The following MINDY4B variants were observed in gnomAD, a reference collection of about 807,000 sequenced individuals.
MINDY4B encodes MINDY family member 4B, also known as inactive ubiquitin carboxyl-terminal hydrolase MINDY-4B.
MINDY4B carries 25 observed loss-of-function variants against 16.7 expected under a neutral mutation model. That is an observed-to-expected ratio of 1.49 (90% CI 1.09 to 2.09). The LOEUF is 2.09. MINDY4B is among the 30% of genes most tolerant of loss of function. The pLI is 0.00. For synonymous variants in MINDY4B, 132 were observed against 61.9 expected, an observed-to-expected ratio of 2.13 and a Z score of -5.32; for missense variants, 327 against 168.4, an observed-to-expected ratio of 1.94 and a Z score of -5.21.
intron 3 of MINDY4B, chr3:150,901,360 A>G (rs1186917589): frequency 6.6e-6 from 1 of 152,164 alleles, no homozygotes; most frequent in Non-Finnish European, 1.5e-5. Context: ...TATAAGATAC[A>G]AGTTAAGGCT....
intron 6 of MINDY4B, 40 bp downstream of exon 6, chr3:150,890,898 C>G (rs1034485451): frequency 4.3e-6 from 3 of 696,792 alleles, no homozygotes; most frequent in Admixed American, 2.0e-5. Context: ...TCAGGCTTCA[C>G]TGGCCTTTCA....
At position 150,903,419 on chromosome 3, in the gene MINDY4B, G is replaced by C; in HGVS notation, c.142-3C>G. 1 of 398,466 alleles carries C rather than the reference G, an allele frequency of 2.5e-6. No individual in the cohort carries two copies. 24.7% of individuals were successfully genotyped at this position (398,466 alleles called of 1,614,324 possible). ...GATGTATGGTTGCCTTCATGATTCT[G>C]TGCAAATATCACCCCCACAAAAGAC... On this transcript the variant is annotated splice_region_variant and splice_polypyrimidine_tract_variant and intron_variant, in intron 2 of 11. Coordinates refer to ENST00000465419, the MANE Select transcript of MINDY4B (RefSeq NM_001351281.2).
chr3:150,873,425 T>G (rs893136343), intron 10 of MINDY4B, 58 bp from the exon 11 acceptor site: 94 of 672,632 alleles, frequency 1.4e-4, no homozygotes, highest in Non-Finnish European at 2.2e-5. Flanking sequence ...TTGTGACACA[T>G]GCCGATACAT....
chr3:150,878,020 C>T (rs1331515591), intron 10 of MINDY4B, among the ~76,000 whole-genome samples: 1 of 152,056 alleles, frequency 6.6e-6, no homozygotes, highest in Non-Finnish European at 1.5e-5. Flanking sequence ...TAGCTGCTAG[C>T]TTTGGGTAAG....
At position 150,873,212 on chromosome 3, in the gene MINDY4B, C is replaced by T; in HGVS notation, c.1215G>A (p.Gln405=). Residue 405 remains glutamine, a synonymous_variant, in exon 11 of 12, where the codon CAG becomes CAA. Coordinates refer to ENST00000465419, the MANE Select transcript of MINDY4B (RefSeq NM_001351281.2). ...CTATTGTAAGACGCACAAGCTTTTTCTGTGAGGGTTGGCCACTGTAAAAGT... is the reference window on the plus strand; with the variant it reads ...CTATTGTAAGACGCACAAGCTTTTTTTGTGAGGGTTGGCCACTGTAAAAGT... ...DLYFYSGQPS[Q]KKLVRLTIDT... 1 of 703,010 alleles carries T rather than the reference C, an allele frequency of 1.4e-6. No homozygotes were observed. Among genetic ancestry groups the T allele is most frequent in the Non-Finnish European group, 2.6e-6 (1 of 384,806 alleles). The allele number at this position is 703,010 out of a possible 1,614,324, so 43.5% of individuals were successfully genotyped here. A position where few individuals can be genotyped will look rare whatever the true frequency, so the allele number is the denominator to read the frequency against.
At chr3:150,882,712 A>C (rs906413827) in intron 10 of MINDY4B, among the ~76,000 whole-genome samples, 185 bp downstream of exon 10, 1 of 152,208 alleles carries the variant, frequency 6.6e-6, no homozygotes, top group African/African-American at 2.4e-5. Flanking sequence ...ATATGAAGCA[A>C]GTAGACTGGG....
chr3:150,893,701 G>GGT (rs1191861291), intron 4 of MINDY4B, among the ~76,000 whole-genome samples: 34 of 91,610 alleles, frequency 3.7e-4, no homozygotes, highest in African/African-American at 1.0e-3. Flanking sequence ...TTTTTTGGGG[G>GGT]GGGGGGTGGG....
At chr3:150,896,248 T>C (rs1406887673) in intron 3 of MINDY4B, among the ~76,000 whole-genome samples, 1 of 152,026 alleles carries the variant, frequency 6.6e-6, no homozygotes, top group African/African-American at 2.4e-5. Flanking sequence ...ATGTTATCTT[T>C]TTCCTTGAAT....
chr3:150,895,952 CTT>C (rs1711950197), intron 3 of MINDY4B, among the ~76,000 whole-genome samples: 1 of 152,136 alleles, frequency 6.6e-6, no homozygotes, highest in South Asian at 2.1e-4. Context: ...GTTTTCCAAA[CTT>C]TTAGATTCCT....
chr3:150,885,183 A>T (rs143846586), intron 8 of MINDY4B, among the ~76,000 whole-genome samples, 185 bp downstream of exon 8: 1 of 152,340 alleles, frequency 6.6e-6, no homozygotes, highest in East Asian at 1.9e-4. Context: ...TTGACTGACG[A>T]CATCCACTTG....
intron 2 of MINDY4B, among the ~76,000 whole-genome samples, chr3:150,904,188 T>A (rs968296347): frequency 6.6e-6 from 1 of 152,190 alleles, no homozygotes; most frequent in Non-Finnish European, 1.5e-5. Flanking sequence ...ATCTTTACAT[T>A]TGTGCCAATG....
rs1264724663 is a variant in MINDY4B at position 150,878,880 on chromosome 3, T to G, written c.1059+4017A>C. On this transcript the variant is annotated intron_variant, in intron 10 of 11. Transcript: ENST00000465419. The stretch of plus-strand genomic sequence containing the variant: ...CAGGTAATTTTCTTTAGAGCATGAT[T>G]TAGCAGTTCTATTGGTCTGAGCAGA... Among the ~76,000 whole-genome samples the G allele has an allele frequency of 4.6e-5, 7 of 152,202 alleles. No homozygotes were observed. In the East Asian group the frequency reaches 9.6e-4, roughly 21 times the overall value.
intron 3 of MINDY4B, among the ~76,000 whole-genome samples, chr3:150,898,479 T>C (rs1712033303): frequency 6.6e-6 from 1 of 152,216 alleles, no homozygotes; most frequent in Non-Finnish European, 1.5e-5. Context: ...CCAGGCCCCG[T>C]TGGCCAGTGT....
chr3:150,904,196 A>G (rs1000930617), intron 2 of MINDY4B, among the ~76,000 whole-genome samples: 8 of 152,250 alleles, frequency 5.3e-5, no homozygotes, highest in African/African-American at 1.9e-4. Context: ...ATTTGTGCCA[A>G]TGGGTTTTTC....
intron 2 of MINDY4B, 98 bp from the exon 3 acceptor site, chr3:150,903,514 G>A: frequency 2.5e-6 from 1 of 397,168 alleles, no homozygotes; most frequent in Non-Finnish European, 4.4e-6. Context: ...CCAGTGTTCA[G>A]AAAATGTTGT....
chr3:150,899,828 A>G (rs374923195), intron 3 of MINDY4B, among the ~76,000 whole-genome samples: 2 of 152,176 alleles, frequency 1.3e-5, no homozygotes, highest in Non-Finnish European at 2.9e-5. Flanking sequence ...AGACCCATCT[A>G]TGAGCTAGAC....
chr3:150,886,777 G>A (rs686235), intron 7 of MINDY4B, among the ~76,000 whole-genome samples: 2 of 151,842 alleles, frequency 1.3e-5, no homozygotes, highest in African/African-American at 2.4e-5. Context: ...CCTGCCTCCC[G>A]CTTTCCCTTA....
rs574026022 is a variant in MINDY4B at position 150,870,925 on chromosome 3, T to A, written c.*120A>T. 1 of 605,772 alleles carries A rather than the reference T, an allele frequency of 1.7e-6. No homozygotes were observed. Among genetic ancestry groups the A allele is most frequent in the East Asian group, 2.7e-5 (1 of 36,394 alleles). 37.5% of individuals were successfully genotyped at this position (605,772 alleles called of 1,614,324 possible). ...GAAAAAACTGCTAATGGTATATATATATATTTTTTGGTGGGGCTTGTGAAT... is the reference window on the plus strand; with the variant it reads ...GAAAAAACTGCTAATGGTATATATAAATATTTTTTGGTGGGGCTTGTGAAT... On this transcript the variant is annotated 3_prime_UTR_variant, in exon 12 of 12. Transcript: ENST00000465419.
rs1435109450 is a variant in MINDY4B at position 150,898,699 on chromosome 3, T to C, written c.310-4394A>G. Among the ~76,000 whole-genome samples, 3 of 152,224 alleles carry C rather than the reference T, an allele frequency of 2.0e-5. No homozygotes were observed. In the East Asian group the frequency reaches 5.8e-4, roughly 29 times the overall value. On this transcript the variant is annotated intron_variant, in intron 3 of 11. Coordinates refer to ENST00000465419, the MANE Select transcript of MINDY4B (RefSeq NM_001351281.2). ...AGTTTTTCTCTTTGTGCTTTGCTAGTATTCTATATTTGTGAAGAATTCCTT... is the reference window on the plus strand; with the variant it reads ...AGTTTTTCTCTTTGTGCTTTGCTAGCATTCTATATTTGTGAAGAATTCCTT...
Sources: allele counts gnomAD v4.1 joint callset (sites outside exome capture counted in the v4.1 genomes callset), GRCh38; gene constraint gnomAD v4.1.1; transcripts MANE v1.5; gene names NCBI Gene and HGNC (gene_info 2026-07-23, HGNC 2026-07-21).